TOX: variants seen among roughly 807,000 people sequenced by gnomAD.
The protein encoded by TOX is thymocyte selection associated high mobility group box.
Under a neutral mutation model 53.7 loss-of-function variants are expected in TOX, and 11 were observed. The observed-to-expected ratio is 0.20, with a 90% CI of 0.13 to 0.34. TOX has a LOEUF of 0.34. TOX is among the 10% of genes least tolerant of loss of function. The pLI, the probability that TOX is intolerant of heterozygous loss-of-function variation, is 1.00. For missense variants in TOX, 570 were observed against 664.6 expected (o/e 0.86, Z 1.56); for synonymous variants, 225 against 245.3 (o/e 0.92, Z 0.77).
intron 1 of TOX, among the ~76,000 whole-genome samples, chr8:59,039,066 TG>T (rs1260129728): frequency 2.6e-5 from 4 of 152,238 alleles, no homozygotes; most frequent in African/African-American, 4.8e-5. Flanking sequence ...AAATGACCTC[TG>T]ACCTCCCTAC....
At chr8:58,997,919 A>C (rs1174381449) in intron 1 of TOX, among the ~76,000 whole-genome samples, 4 of 151,974 alleles carry the variant, frequency 2.6e-5, no homozygotes, top group Non-Finnish European at 5.9e-5. Context: ...CAGCCTCCCG[A>C]GTAGCTGGCA....
At chr8:58,944,223 G>C (rs758169568) in intron 2 of TOX, among the ~76,000 whole-genome samples, 3 of 152,130 alleles carry the variant, frequency 2.0e-5, no homozygotes, top group Admixed American at 6.6e-5. Flanking sequence ...GGATCCCAGC[G>C]CCACTGAATG....
intron 3 of TOX, among the ~76,000 whole-genome samples, chr8:58,903,376 C>T (rs180672943): frequency 3.3e-5 from 5 of 152,248 alleles, no homozygotes; most frequent in Admixed American, 2.0e-4. Flanking sequence ...CAGAAGGAGG[C>T]GGGTTAGTCT....
chr8:58,810,963 A>G (rs1244286075), intron 7 of TOX, among the ~76,000 whole-genome samples: 2 of 152,224 alleles, frequency 1.3e-5, no homozygotes, highest in Admixed American at 1.3e-4. Context: ...AACCAAAATT[A>G]TGTGTTAGCT....
At chr8:59,074,648 A>C (rs1804261524) in intron 1 of TOX, among the ~76,000 whole-genome samples, 4 of 152,220 alleles carry the variant, frequency 2.6e-5, no homozygotes, top group Admixed American at 2.0e-4. Context: ...ACAGAAATTA[A>C]AGTTAGAGAA....
At chr8:59,074,384 T>G (rs1484954089) in intron 1 of TOX, among the ~76,000 whole-genome samples, 1 of 152,172 alleles carries the variant, frequency 6.6e-6, no homozygotes, top group Non-Finnish European at 1.5e-5. Context: ...TTTCTTACCA[T>G]TCAATACAGG....
intron 3 of TOX, among the ~76,000 whole-genome samples, chr8:58,930,402 A>C (rs948788220): frequency 6.6e-6 from 1 of 152,218 alleles, no homozygotes; most frequent in Non-Finnish European, 1.5e-5. Context: ...GTAAACTCTC[A>C]GGGTTTCTAG....
intron 1 of TOX, among the ~76,000 whole-genome samples, chr8:58,973,334 TG>T (rs1311797349): frequency 1.3e-5 from 2 of 151,680 alleles, no homozygotes; most frequent in Non-Finnish European, 2.9e-5. Context: ...AAAGCTAATG[TG>T]GTTTCTCAAA....
chr8:58,875,314 T>A (rs1811265581), intron 3 of TOX, among the ~76,000 whole-genome samples: 1 of 152,208 alleles, frequency 6.6e-6, no homozygotes, highest in Non-Finnish European at 1.5e-5. Flanking sequence ...ATAACTTATC[T>A]TCCTTAGAAA....
intron 1 of TOX, among the ~76,000 whole-genome samples, chr8:59,027,903 G>C (rs1814275748): frequency 6.6e-6 from 1 of 152,092 alleles, no homozygotes. Flanking sequence ...TTGTTAGCTG[G>C]TTAAATTTAG....
intron 1 of TOX, among the ~76,000 whole-genome samples, chr8:59,014,099 T>C (rs1813965325): frequency 1.3e-5 from 2 of 152,212 alleles, no homozygotes; most frequent in African/African-American, 2.4e-5. Context: ...AAAGACACTG[T>C]AATCATCCAG....
chr8:58,989,512 T>A (rs1813402016), intron 1 of TOX, among the ~76,000 whole-genome samples: 1 of 152,194 alleles, frequency 6.6e-6, no homozygotes, highest in African/African-American at 2.4e-5. Context: ...TTAACAGCTT[T>A]ACACATTTTT....
intron 1 of TOX, among the ~76,000 whole-genome samples, chr8:59,007,612 T>C (rs1033688417): frequency 3.3e-5 from 5 of 152,212 alleles, no homozygotes; most frequent in African/African-American, 1.2e-4. Flanking sequence ...AGGAAATCTA[T>C]TGTTGAATCA....
chr8:59,051,240 C>A (rs1803784219), intron 1 of TOX, among the ~76,000 whole-genome samples: 1 of 152,140 alleles, frequency 6.6e-6, no homozygotes, highest in Non-Finnish European at 1.5e-5. Context: ...AGATTTCCCA[C>A]TATCTGATAA....
chr8:59,100,043 C>T (rs540779014), intron 1 of TOX, among the ~76,000 whole-genome samples: 72 of 148,862 alleles, frequency 4.8e-4, no homozygotes, highest in African/African-American at 1.7e-3. Flanking sequence ...TTTTTTTTTT[C>T]CCATAAAATG....
chr8:58,854,355 T>C (rs1292526647), intron 3 of TOX, among the ~76,000 whole-genome samples: 1 of 152,160 alleles, frequency 6.6e-6, no homozygotes, highest in Non-Finnish European at 1.5e-5. Flanking sequence ...TCATGTGGAG[T>C]TCCAGATTTA....
intron 3 of TOX, among the ~76,000 whole-genome samples, chr8:58,935,996 C>CG (rs1343655662): frequency 6.6e-6 from 1 of 152,190 alleles, no homozygotes; most frequent in African/African-American, 2.4e-5. Flanking sequence ...ATTGGGATAA[C>CG]GGGCGCCAGC....
chr8:59,086,837 G>A (rs540055932), intron 1 of TOX, among the ~76,000 whole-genome samples: 1 of 152,172 alleles, frequency 6.6e-6, no homozygotes, highest in Non-Finnish European at 1.5e-5. Flanking sequence ...TTACAGTGTA[G>A]CCATAGAAAC....
chr8:58,981,165 C>T (rs1438253137), intron 1 of TOX, among the ~76,000 whole-genome samples: 3 of 152,192 alleles, frequency 2.0e-5, no homozygotes, highest in Non-Finnish European at 2.9e-5. Context: ...GAACTGAACT[C>T]TGTGGATGTC....
Sources: gnomAD v4.1 joint callset for allele counts (sites outside exome capture counted in the v4.1 genomes callset) on GRCh38, gnomAD v4.1.1 for gene constraint, MANE v1.5 for transcripts, NCBI Gene and HGNC (gene_info 2026-07-23, HGNC 2026-07-21) for gene names.